The following COQ8A variants were observed in gnomAD, a reference collection of about 807,000 sequenced individuals.
The protein encoded by COQ8A is coenzyme Q8A, also known as atypical kinase COQ8A, mitochondrial.
Under a neutral mutation model 65.0 loss-of-function variants are expected in COQ8A, and 51 were observed. The ratio of observed to expected loss-of-function variants is 0.78; its 90% CI spans 0.63 to 0.99. The LOEUF (loss-of-function observed/expected upper bound fraction) is 0.99. Ranked by LOEUF, COQ8A falls within the 50% of genes least tolerant of loss-of-function variation. The pLI, the probability that COQ8A is intolerant of heterozygous loss-of-function variation, is 0.00. For missense variants in COQ8A, 940 were observed against 875.0 expected, an observed-to-expected ratio of 1.07 and a Z score of -0.94; for synonymous variants, 371 against 353.2, an observed-to-expected ratio of 1.05 and a Z score of -0.57.
chr1:226,942,548 G>A lies in COQ8A; in HGVS notation c.-10+2149G>A, dbSNP rs142915075. On this transcript the variant is annotated intron_variant, in intron 1 of 14. Transcript: ENST00000366777. Reference sequence around the variant, plus strand: ...GCTTAAGCTGAGTGCTGGCACAAAGGCTAACTCAGCTATCCACAAGTGGTT... The same window carrying A: ...GCTTAAGCTGAGTGCTGGCACAAAGACTAACTCAGCTATCCACAAGTGGTT... 2.5e-3 allele frequency among the ~76,000 whole-genome samples: 379 copies of A among 152,264 alleles called. 3 individuals carry two copies. Among genetic ancestry groups the A allele is most frequent in the African/African-American group, 8.9e-3 (369 of 41,538 alleles).
Position 226,984,693 on chromosome 1 carries a change from A to C in COQ8A, c.1506+38A>C, listed in dbSNP as rs1331867794. 3 of 1,588,300 alleles carry C rather than the reference A, an allele frequency of 1.9e-6. No individual in the cohort carries two copies. The South Asian group carries it at 3.3e-5, about 18-fold the overall frequency. Reference sequence around the variant, plus strand: ...GTGGGGGCACCCGCAGCCAGGCCTGAGAGCTTCTCCGAATGGGGCACGTGA... The same window carrying C: ...GTGGGGGCACCCGCAGCCAGGCCTGCGAGCTTCTCCGAATGGGGCACGTGA... On this transcript the variant is annotated intron_variant, in intron 12 of 14. Transcript: ENST00000366777.
At chr1:226,969,969 C>T (rs979190691) in intron 4 of COQ8A, among the ~76,000 whole-genome samples, 2 of 152,072 alleles carry the variant, frequency 1.3e-5, no homozygotes, top group Non-Finnish European at 2.9e-5. Context: ...TATAGTCATG[C>T]GTCTCTCTTT....
At chr1:226,956,205 G>C (rs1300208364) in intron 1 of COQ8A, among the ~76,000 whole-genome samples, 41 of 59,702 alleles carry the variant, frequency 6.9e-4, no homozygotes, top group East Asian at 1.1e-3. Flanking sequence ...CTCCCTGGCT[G>C]CCACTCTCCC....
rs760352291 is a variant in COQ8A at position 226,986,585 on chromosome 1, C to T, written c.1792C>T (p.Arg598Cys). Residue 598 changes from arginine (R) to cysteine (C), a missense_variant, in exon 15 of 15, where the codon CGT becomes TGT. By Grantham distance (180) the Arg-to-Cys change is radical (BLOSUM62 -3). Transcript: ENST00000366777. ...CCTGATTCCCGTCATGCTGAGGCAC[C>T]GTCTCGTCCCCCCACCCGAGGAAAC... ...HNLIPVMLRH[R>C]LVPPPEETYS... The T allele has an allele frequency of 2.5e-5, 41 of 1,613,844 alleles. No individual in the cohort carries two copies. The highest frequency in any genetic ancestry group is 3.2e-5 in the Non-Finnish European group (38 of 1,179,988).
chr1:226,982,537 G>A (rs1403262219), intron 6 of COQ8A, 141 bp from the exon 7 acceptor site: 2 of 924,032 alleles, frequency 2.2e-6, no homozygotes, highest in East Asian at 2.6e-5. Flanking sequence ...GTGTGTGCGA[G>A]GGCTCCTGTC....
rs78778244 is a variant in COQ8A at position 226,943,493 on chromosome 1, C to T, written c.-10+3094C>T. Among the ~76,000 whole-genome samples the T allele has an allele frequency of 2.7e-3, 409 of 152,190 alleles. 12 individuals are homozygous for T. In the East Asian group the frequency reaches 0.061, roughly 23 times the overall value. On this transcript the variant is annotated intron_variant, in intron 1 of 14. Transcript: ENST00000366777. ...TGGTTTGTGAGAAGTGAGGATGGCC[C>T]GAGTCCCCAAGGGGAGATAGAACTG... is the stretch of plus-strand genomic sequence containing the variant.
intron 5 of COQ8A, among the ~76,000 whole-genome samples, chr1:226,980,700 A>G (rs1659632352): frequency 6.6e-6 from 1 of 152,206 alleles, no homozygotes; most frequent in African/African-American, 2.4e-5. Flanking sequence ...CGCAGAGCTA[A>G]CATCTCCCAC....
chr1:226,964,106 C>T (rs560250447), intron 2 of COQ8A, among the ~76,000 whole-genome samples: 114 of 152,338 alleles, frequency 7.5e-4, no homozygotes, highest in African/African-American at 2.6e-3. Flanking sequence ...GACAGCAGAA[C>T]GTGAGGCTTG....
chr1:226,942,391 C>T (rs1656761047), intron 1 of COQ8A, among the ~76,000 whole-genome samples: 1 of 151,872 alleles, frequency 6.6e-6, no homozygotes, highest in Admixed American at 6.6e-5. Flanking sequence ...ACTGTGCCTG[C>T]TAAATGTGTG....
At chr1:226,986,342 T>G in intron 14 of COQ8A, 111 bp from the exon 15 acceptor site, 1 of 1,252,944 alleles carries the variant, frequency 8.0e-7, no homozygotes, top group Non-Finnish European at 1.1e-6. Flanking sequence ...TAATCCAGTT[T>G]ACAGCAGAGC....
chr1:226,973,763 C>T (rs1016740909), intron 4 of COQ8A, among the ~76,000 whole-genome samples: 2 of 152,234 alleles, frequency 1.3e-5, no homozygotes, highest in Admixed American at 6.5e-5. Context: ...AAAGGGAAGC[C>T]TCCTGGGCTG....
chr1:226,943,328 G>GATAC (rs1181131059), intron 1 of COQ8A, among the ~76,000 whole-genome samples: 1 of 152,206 alleles, frequency 6.6e-6, no homozygotes, highest in Non-Finnish European at 1.5e-5. Flanking sequence ...GGCATCTGGA[G>GATAC]ATACTTCTGT....
intron 10 of COQ8A, 96 bp from the exon 11 acceptor site, chr1:226,983,998 T>C (rs1572082558): frequency 7.0e-7 from 1 of 1,435,380 alleles, no homozygotes; most frequent in Non-Finnish European, 9.3e-7. Flanking sequence ...CTGCCTGGGG[T>C]GAAGGAGGGC....
intron 1 of COQ8A, among the ~76,000 whole-genome samples, chr1:226,947,065 C>T (rs1025123359): frequency 7.2e-5 from 11 of 152,234 alleles, no homozygotes; most frequent in African/African-American, 2.7e-4. Flanking sequence ...GCCAGATGGC[C>T]TTTGAGAGCC....
Position 226,984,908 on chromosome 1 carries a change from A to C in COQ8A, c.1539A>C (p.Glu513Asp), listed in dbSNP as rs779092824. ...TTTTGGATTTTGGGGCAACGCGGGA[A>C]TATGACAGATCCTTCACCGACCTCT... ...VALLDFGATR[E>D]YDRSFTDLYI... The change falls in exon 13 of 15, where the codon GAA (glutamate) becomes GAC (aspartate). Residue 513 changes from glutamate to aspartate, a missense_variant. By Grantham distance (45) the Glu-to-Asp change is conservative. Transcript: ENST00000366777. 6.8e-6 allele frequency: 11 copies of C among 1,613,942 alleles called. No individual in the cohort carries two copies. The African/African-American group carries it at 1.5e-4, about 22-fold the overall frequency.
In COQ8A at chr1:226,978,935, CA is replaced by C. The variant is rs1273909278; in HGVS notation, c.730+1413del. 8.0e-5 allele frequency among the ~76,000 whole-genome samples: 12 copies of C among 149,842 alleles called. No individual in the cohort carries two copies. In the East Asian group the frequency reaches 1.4e-3, roughly 17 times the overall value. ...CCTCCTTACCCCTCCACACACCCAC[CA>C]CACACCCACACACCTTACCCTCCAC... On this transcript the variant is annotated intron_variant, in intron 5 of 14. Coordinates refer to ENST00000366777, the MANE Select transcript of COQ8A (RefSeq NM_020247.5).
rs777861899 is a variant in COQ8A, at chr1:226,986,752, C to G, written c.*15C>G. The G allele has an allele frequency of 1.9e-6, 3 of 1,610,246 alleles. No homozygotes were observed. The highest frequency in any genetic ancestry group is 2.2e-5 in the South Asian group (2 of 90,910). On this transcript the variant is annotated 3_prime_UTR_variant, in exon 15 of 15. Coordinates refer to ENST00000366777, the MANE Select transcript of COQ8A (RefSeq NM_020247.5). The stretch of plus-strand genomic sequence containing the variant: ...CCCAGCAGTAGGGCTGCGGGCCACG[C>G]CCAGGCCGGCTCCGCGGGAACTCTC...
At chr1:226,956,373 G>C (rs534287466) in intron 1 of COQ8A, among the ~76,000 whole-genome samples, 174 of 67,866 alleles carry the variant, frequency 2.6e-3, no homozygotes, top group Middle Eastern at 0.015. Flanking sequence ...CCCACTCTCC[G>C]TGGTTCACAC....
chr1:226,979,571 C>T (rs886496219), intron 5 of COQ8A, among the ~76,000 whole-genome samples: 3 of 152,198 alleles, frequency 2.0e-5, no homozygotes, highest in Non-Finnish European at 2.9e-5. Flanking sequence ...CTTCCACCCC[C>T]GTCCATGGGG....
Sources: allele counts gnomAD v4.1 joint callset (sites outside exome capture counted in the v4.1 genomes callset), GRCh38; gene constraint gnomAD v4.1.1; transcripts MANE v1.5; gene names NCBI Gene and HGNC (gene_info 2026-07-23, HGNC 2026-07-21).